The following BRI3 variants were observed in gnomAD, a reference collection of about 807,000 sequenced individuals.
BRI3 encodes brain protein I3, also known as membrane protein BRI3.
In BRI3, 6 loss-of-function variants were observed where a neutral mutation model predicts 12.8. The ratio of observed to expected loss-of-function variants is 0.47; its 90% confidence interval spans 0.26 to 0.93. The LOEUF is 0.93. Among genes scored for constraint, BRI3 ranks in the 40% least tolerant of loss-of-function variants. The probability of loss-of-function intolerance (pLI) is 0.15; values close to 1 mark genes in which losing one functional copy is unlikely to be tolerated. For missense variants in BRI3, 134 were observed against 171.1 expected (o/e 0.78, Z 1.21); for synonymous variants, 91 against 76.1 (o/e 1.20, Z -1.02).
chr7:98,290,961 TGGG>T, intron 2 of BRI3, 147 bp from the exon 3 acceptor site: 1 of 838,056 alleles, frequency 1.2e-6, no homozygotes, highest in Non-Finnish European at 1.9e-6. Context: ...AGCTGGGTGG[TGGG>T]GTGGGGGGCT....
downstream of BRI3, among the ~76,000 whole-genome samples, chr7:98,297,027 G>A (rs184933590): frequency 8.5e-3 from 1,289 of 152,314 alleles, 10 homozygotes; most frequent in Non-Finnish European, 0.012. Flanking sequence ...CCAGGGCCCC[G>A]CGGGCACTGC....
chr7:98,293,637 C>T (rs58626746), downstream of BRI3: 1,843 of 1,581,364 alleles, frequency 1.2e-3, 23 homozygotes, highest in African/African-American at 0.022. Context: ...TTCTGCTCTA[C>T]GAGGGAAACT....
chr7:98,294,048 A>C, downstream of BRI3: 1 of 1,612,158 alleles, frequency 6.2e-7, no homozygotes. Context: ...TCACACACTG[A>C]GGCTCACGTA....
downstream of BRI3, among the ~76,000 whole-genome samples, chr7:98,313,441 G>A (rs1800952483): frequency 6.6e-6 from 1 of 152,048 alleles, no homozygotes; most frequent in African/African-American, 2.4e-5. Flanking sequence ...ATATCACGCA[G>A]GAAGAGAACC....
downstream of BRI3, chr7:98,292,724 TTGAG>T: frequency 6.4e-7 from 1 of 1,551,468 alleles, no homozygotes. Flanking sequence ...CCCGAGCAGT[TTGAG>T]TGTACTGGTA....
chr7:98,306,628 C>A, exon 1 of BRI3: 1 of 1,480,964 alleles, frequency 6.8e-7, no homozygotes, highest in Non-Finnish European at 9.3e-7. Flanking sequence ...TCCAGAAACG[C>A]CCATGTGTGG....
chr7:98,297,052 G>GT (rs1190205070), downstream of BRI3, among the ~76,000 whole-genome samples: 1 of 152,244 alleles, frequency 6.6e-6, no homozygotes, highest in African/African-American at 2.4e-5. Flanking sequence ...TGCATGTCCT[G>GT]TGTCCCCAAC....
rs967594943 is a variant in BRI3 at position 98,291,456 on chromosome 7, T to C, written c.*213T>C. ...TGACAACTCAATAAAGCACTGCTTT[T>C]ATTTTTTGCAGTCTTCAATTTGAGA... On this transcript the variant is annotated 3_prime_UTR_variant, in exon 3 of 3. Transcript: ENST00000297290. 59 of 1,367,300 alleles carry C rather than the reference T, an allele frequency of 4.3e-5. No individual in the cohort carries two copies. Among genetic ancestry groups the C allele is most frequent in the Non-Finnish European group, 5.3e-5 (56 of 1,061,700 alleles). The allele number at this position is 1,367,300 out of a possible 1,614,324, so 84.7% of individuals were successfully genotyped here. A position where few individuals can be genotyped will look rare whatever the true frequency, so the allele number is the denominator to read the frequency against.
exon 1 of BRI3, chr7:98,306,589 T>TGA: frequency 6.2e-7 from 1 of 1,609,674 alleles, no homozygotes; most frequent in Non-Finnish European, 8.5e-7. Flanking sequence ...AACAACCTGG[T>TGA]GAGAGCTCAG....
At chr7:98,314,973 C>T (rs987777000), downstream of BRI3, among the ~76,000 whole-genome samples, 8 of 152,200 alleles carry the variant, frequency 5.3e-5, no homozygotes, top group South Asian at 2.1e-4. Context: ...TATACATGGA[C>T]GTTTGACCAT....
At chr7:98,307,616 A>G in exon 2 of BRI3, 1 of 1,588,060 alleles carries the variant, frequency 6.3e-7, no homozygotes, top group South Asian at 1.1e-5. Flanking sequence ...CCACGAAGAC[A>G]GTTTGCAGCT....
chr7:98,310,373 ATATT>A, exon 2 of BRI3: 2 of 1,501,612 alleles, frequency 1.3e-6, no homozygotes, highest in Non-Finnish European at 1.8e-6. Context: ...TTTATACAAA[ATATT>A]TATTTCACAG....
At chr7:98,308,159 A>G (rs546008973) in exon 2 of BRI3, 2 of 612,392 alleles carry the variant, frequency 3.3e-6, no homozygotes, top group South Asian at 3.0e-5. Flanking sequence ...TCCAGGCCCA[A>G]GGACAAGGCG....
downstream of BRI3, chr7:98,294,084 G>T: frequency 1.2e-6 from 2 of 1,614,148 alleles, no homozygotes; most frequent in Non-Finnish European, 1.7e-6. Flanking sequence ...CTGAGAAAAG[G>T]CGGCTTTGCA....
chr7:98,292,930 A>C (rs1050212883), downstream of BRI3: 1 of 1,354,094 alleles, frequency 7.4e-7, no homozygotes, highest in Non-Finnish European at 9.5e-7. Flanking sequence ...AAAGCGTCTT[A>C]GCACTCTACA....
intron 2 of BRI3, among the ~76,000 whole-genome samples, chr7:98,285,255 C>T (rs1040464173): frequency 5.3e-5 from 8 of 152,130 alleles, no homozygotes; most frequent in Non-Finnish European, 1.0e-4. Flanking sequence ...CTGCCACGGC[C>T]CTTGGGGGGC....
At chr7:98,304,097 G>A (rs2116838357), upstream of BRI3, 2 of 1,284,688 alleles carry the variant, frequency 1.6e-6, no homozygotes, top group Non-Finnish European at 2.1e-6. Context: ...CTCTCCCCCT[G>A]GGGACAGAGC....
downstream of BRI3, among the ~76,000 whole-genome samples, chr7:98,294,826 A>G (rs1039497866): frequency 2.6e-5 from 4 of 152,244 alleles, no homozygotes; most frequent in Non-Finnish European, 5.9e-5. Flanking sequence ...AGGTGGAACC[A>G]AAGTGCAAAG....
chr7:98,293,733 G>T, downstream of BRI3: 1 of 791,220 alleles, frequency 1.3e-6, no homozygotes. Context: ...TCCCAGCAGC[G>T]TTTTCTGAGT....
Sources: gnomAD v4.1 joint callset for allele counts (sites outside exome capture counted in the v4.1 genomes callset) on GRCh38, gnomAD v4.1.1 for gene constraint, MANE v1.5 for transcripts, NCBI Gene and HGNC (gene_info 2026-07-23, HGNC 2026-07-21) for gene names.